The following KCNH7 variants were observed in gnomAD, a reference collection of about 807,000 sequenced individuals.
KCNH7 encodes the protein voltage-gated inwardly rectifying potassium channel KCNH7.
Under a neutral mutation model 120.8 loss-of-function variants are expected in KCNH7, and 49 were observed. That is an observed-to-expected ratio of 0.41 (90% confidence interval 0.32 to 0.51). KCNH7 has a LOEUF of 0.51. KCNH7 is among the 20% of genes least tolerant of loss of function. KCNH7 has a pLI of 0.38. For missense variants in KCNH7, 1,097 were observed against 1,446.6 expected, an observed-to-expected ratio of 0.76 and a Z score of 3.92; for synonymous variants, 547 against 516.1, an observed-to-expected ratio of 1.06 and a Z score of -0.81.
intron 2 of KCNH7, among the ~76,000 whole-genome samples, chr2:162,726,385 A>G (rs1687520079): frequency 6.6e-6 from 1 of 152,144 alleles, no homozygotes; most frequent in African/African-American, 2.4e-5. Flanking sequence ...ACTCATATAC[A>G]TATTTCAAGG....
rs189091518 is a variant in KCNH7, at chr2:162,706,305, T to C, written c.307+130232A>G. Among the ~76,000 whole-genome samples, 394 of 152,274 alleles carry C rather than the reference T, an allele frequency of 2.6e-3. 2 individuals carry two copies. The highest frequency in any genetic ancestry group is 9.0e-3 in the African/African-American group (375 of 41,572). ...TCTATAATCTCCATAAAAATGACTT[T>C]AGTAAGTCAATGATCATGCTTATGA... On this transcript the variant is annotated intron_variant, in intron 2 of 15. Coordinates refer to ENST00000332142, the MANE Select transcript of KCNH7 (RefSeq NM_033272.4).
intron 6 of KCNH7, among the ~76,000 whole-genome samples, chr2:162,476,853 C>T (rs1323236067): frequency 1.3e-5 from 2 of 152,130 alleles, no homozygotes; most frequent in East Asian, 3.9e-4. Context: ...CACAGCTTCT[C>T]AGATGTTAAA....
chr2:162,375,945 T>C (rs1034993428), intron 14 of KCNH7, among the ~76,000 whole-genome samples: 2 of 149,324 alleles, frequency 1.3e-5, no homozygotes, highest in African/African-American at 4.9e-5. Flanking sequence ...TGAGACTAAA[T>C]AGCCTGCTTT....
intron 6 of KCNH7, among the ~76,000 whole-genome samples, chr2:162,449,356 A>T (rs930748442): frequency 2.6e-5 from 4 of 152,068 alleles, no homozygotes; most frequent in African/African-American, 9.7e-5. Flanking sequence ...GTTCAAAAAT[A>T]AAAACAGATT....
intron 9 of KCNH7, among the ~76,000 whole-genome samples, chr2:162,421,036 C>G (rs1404425780): frequency 6.6e-6 from 1 of 151,906 alleles, no homozygotes; most frequent in Non-Finnish European, 1.5e-5. Flanking sequence ...TAAGCATCTT[C>G]CATTTGCTGA....
At chr2:162,611,334 A>G (rs2105971978) in intron 2 of KCNH7, among the ~76,000 whole-genome samples, 1 of 152,300 alleles carries the variant, frequency 6.6e-6, no homozygotes, top group East Asian at 1.9e-4. Context: ...GAGGTGAACA[A>G]GAGATCTTAT....
At chr2:162,604,678 TA>T (rs1274144244) in intron 2 of KCNH7, among the ~76,000 whole-genome samples, 1 of 152,110 alleles carries the variant, frequency 6.6e-6, no homozygotes, top group Non-Finnish European at 1.5e-5. Flanking sequence ...ACAGAAGAGC[TA>T]ATCTGGAGGT....
intron 5 of KCNH7, 71 bp from the exon 6 acceptor site, chr2:162,504,728 C>G: frequency 2.1e-6 from 2 of 940,080 alleles, no homozygotes; most frequent in Non-Finnish European, 3.4e-6. Flanking sequence ...TCTGAATGCC[C>G]TGCTAATGAT....
intron 8 of KCNH7, among the ~76,000 whole-genome samples, chr2:162,426,411 A>C (rs1687866522): frequency 6.6e-6 from 1 of 152,184 alleles, no homozygotes; most frequent in Non-Finnish European, 1.5e-5. Context: ...CCCAACTGGC[A>C]AAAATATCAA....
At chr2:162,691,652 T>A (rs1686107305) in intron 2 of KCNH7, among the ~76,000 whole-genome samples, 1 of 152,132 alleles carries the variant, frequency 6.6e-6, no homozygotes, top group Non-Finnish European at 1.5e-5. Flanking sequence ...GCTAAGAGGT[T>A]ATATTTTCCA....
At chr2:162,789,520 C>T (rs1331507451) in intron 2 of KCNH7, among the ~76,000 whole-genome samples, 2 of 151,880 alleles carry the variant, frequency 1.3e-5, no homozygotes, top group Non-Finnish European at 2.9e-5. Context: ...ACCTAACGGA[C>T]GTATATAAAC....
At chr2:162,763,835 G>A (rs1344978041) in intron 2 of KCNH7, among the ~76,000 whole-genome samples, 1 of 151,392 alleles carries the variant, frequency 6.6e-6, no homozygotes, top group Non-Finnish European at 1.5e-5. Context: ...CCTACTATGT[G>A]TCAACTACTA....
In KCNH7 at chr2:162,517,791, A is replaced by G. The variant is rs779278989; in HGVS notation, c.831T>C (p.His277=). ...LCSIRRASSV[H]DIEGFGVHPK... Reference sequence around the variant, plus strand: ...GGTGGACGCCGAATCCTTCTATATCATGGACCGAAGATGCTCTCCGTATAC... The same window carrying G: ...GGTGGACGCCGAATCCTTCTATATCGTGGACCGAAGATGCTCTCCGTATAC... Residue 277 remains histidine, a synonymous_variant, in exon 4 of 16, where the codon CAT becomes CAC. Transcript: ENST00000332142. 5 of 1,604,522 alleles carry G rather than the reference A, an allele frequency of 3.1e-6. No individual in the cohort carries two copies. In the African/African-American group the frequency reaches 4.0e-5, roughly 13 times the overall value.
intron 2 of KCNH7, among the ~76,000 whole-genome samples, chr2:162,820,281 T>C (rs1184296181): frequency 7.3e-6 from 1 of 136,428 alleles, no homozygotes; most frequent in Non-Finnish European, 1.6e-5. Context: ...TTCACTGTGT[T>C]AGCCAGGATG....
At chr2:162,527,515 A>G (rs1691751623) in intron 3 of KCNH7, among the ~76,000 whole-genome samples, 2 of 152,008 alleles carry the variant, frequency 1.3e-5, no homozygotes, top group African/African-American at 4.8e-5. Context: ...TTGAGGAAGT[A>G]ATGTAGCTAT....
intron 9 of KCNH7, among the ~76,000 whole-genome samples, chr2:162,421,043 C>T (rs1407979777): frequency 1.3e-5 from 2 of 151,978 alleles, no homozygotes; most frequent in African/African-American, 2.4e-5. Flanking sequence ...CTTCCATTTG[C>T]TGAGTGTTCA....
At chr2:162,685,715 G>GAA (rs111556174) in intron 2 of KCNH7, among the ~76,000 whole-genome samples, 2 of 143,734 alleles carry the variant, frequency 1.4e-5, no homozygotes, top group Admixed American at 7.0e-5. Flanking sequence ...AGATGTATTA[G>GAA]AAAAAAAAAA....
At chr2:162,680,163 T>C (rs1685664495) in intron 2 of KCNH7, among the ~76,000 whole-genome samples, 1 of 151,718 alleles carries the variant, frequency 6.6e-6, no homozygotes, top group Non-Finnish European at 1.5e-5. Flanking sequence ...AGTACCATGA[T>C]TATTCCCAGA....
rs146236396 is a variant in KCNH7 at position 162,834,634 on chromosome 2, T to C, written c.307+1903A>G. Among the ~76,000 whole-genome samples the C allele has an allele frequency of 6.3e-3, 962 of 152,250 alleles. 7 individuals are homozygous for C. Among genetic ancestry groups the C allele is most frequent in the Non-Finnish European group, 8.4e-3 (574 of 67,964 alleles). On this transcript the variant is annotated intron_variant, in intron 2 of 15. Transcript: ENST00000332142. ...TTGTATTTGTCAATATACTAATATG[T>C]TCAATACAGAAAATTCAATAATTTA...
Sources: gnomAD v4.1 joint callset for allele counts (sites outside exome capture counted in the v4.1 genomes callset) on GRCh38, gnomAD v4.1.1 for gene constraint, MANE v1.5 for transcripts, NCBI Gene and HGNC (gene_info 2026-07-23, HGNC 2026-07-21) for gene names.